KIAA1671: variants seen among roughly 807,000 people sequenced by gnomAD.
KIAA1671 encodes the protein uncharacterized protein KIAA1671.
In KIAA1671, 52 loss-of-function variants were observed where a neutral mutation model predicts 131.2. That is an observed-to-expected ratio of 0.40 (90% CI 0.32 to 0.50). The LOEUF is 0.50. Ranked by LOEUF, KIAA1671 falls within the 20% of genes least tolerant of loss-of-function variation. The pLI, the probability that KIAA1671 is intolerant of heterozygous loss-of-function variation, is 0.73. For missense variants in KIAA1671, 2,360 were observed against 2,364.2 expected (o/e 1.00, Z 0.04); for synonymous variants, 1,003 against 961.6 (o/e 1.04, Z -0.80).
chr22:25,004,951 GA>G (rs898770443), intron 1 of KIAA1671, among the ~76,000 whole-genome samples: 14 of 141,506 alleles, frequency 9.9e-5, no homozygotes, highest in East Asian at 6.2e-4. Context: ...GTCTCAAAAA[GA>G]AAAAAAAAAG....
intron 6 of KIAA1671, among the ~76,000 whole-genome samples, chr22:25,095,830 C>T (rs780174588): frequency 9.2e-5 from 14 of 152,162 alleles, no homozygotes; most frequent in South Asian, 2.1e-4. Flanking sequence ...ATGACCTCAC[C>T]GTTCTGGTTA....
rs566321812 is a variant in KIAA1671, at chr22:25,197,113, A to C, written c.*4712A>C. The C allele has an allele frequency of 6.6e-6, 1 of 152,334 alleles. No individual in the cohort carries two copies. Among genetic ancestry groups the C allele is most frequent in the Non-Finnish European group, 1.5e-5 (1 of 68,034 alleles). The allele number at this position is 152,334 out of a possible 1,614,324, so 9.4% of individuals were successfully genotyped here. On this transcript the variant is annotated 3_prime_UTR_variant, in exon 13 of 13. Transcript: ENST00000358431. ...CCTGCGGTGTTCTTGCAATTGCCTTAGGAATTCACAAGCTCTAGGAGTTCT... is the reference window on the plus strand; with the variant it reads ...CCTGCGGTGTTCTTGCAATTGCCTTCGGAATTCACAAGCTCTAGGAGTTCT...
intron 1 of KIAA1671, among the ~76,000 whole-genome samples, chr22:24,965,875 T>C (rs1973922178): frequency 6.6e-6 from 1 of 151,996 alleles, no homozygotes; most frequent in Admixed American, 6.6e-5. Flanking sequence ...ATAGCAACAA[T>C]GGCAGTAATA....
At chr22:25,048,300 A>G (rs1927356004) in intron 5 of KIAA1671, among the ~76,000 whole-genome samples, 1 of 152,202 alleles carries the variant, frequency 6.6e-6, no homozygotes, top group Admixed American at 6.5e-5. Flanking sequence ...CTGGGTGTAG[A>G]TGGGATTTAT....
In KIAA1671 at chr22:25,093,792, C is replaced by CTG. The variant is rs1568951316; in HGVS notation, c.4530+44429_4530+44430insGT. On this transcript the variant is annotated intron_variant, in intron 6 of 12. Coordinates refer to ENST00000358431, the MANE Select transcript of KIAA1671 (RefSeq NM_001145206.2). The stretch of plus-strand genomic sequence containing the variant: ...TGTCTCTCTCTCTCTCTCTCTCTCT[C>CTG]TCTCTCTCTCTCTCTCTCTGTCTCT... Among the ~76,000 whole-genome samples the CTG allele has an allele frequency of 9.3e-3, 943 of 101,122 alleles. 49 individuals are homozygous for CTG. Among genetic ancestry groups the CTG allele is most frequent in the South Asian group, 0.021 (60 of 2,834 alleles). The allele number at this position is 101,122 out of a possible 152,430, so 66.3% of individuals were successfully genotyped here.
chr22:25,098,165 G>C (rs561443301), intron 6 of KIAA1671, among the ~76,000 whole-genome samples: 1 of 152,212 alleles, frequency 6.6e-6, no homozygotes, highest in Non-Finnish European at 1.5e-5. Context: ...CACAGAGAAG[G>C]CACTTTACTT....
chr22:25,191,145 CTTTT>C (rs142339652), intron 12 of KIAA1671, among the ~76,000 whole-genome samples: 12 of 129,066 alleles, frequency 9.3e-5, no homozygotes, highest in Admixed American at 7.9e-5. Flanking sequence ...GAAATGGTTA[CTTTT>C]TTTTTTTTTT....
At chr22:25,154,327 C>G (rs940095272) in intron 6 of KIAA1671, among the ~76,000 whole-genome samples, 6 of 152,232 alleles carry the variant, frequency 3.9e-5, no homozygotes, top group Non-Finnish European at 8.8e-5. Context: ...TTGCTCTGAT[C>G]AACTTAGGAC....
intron 6 of KIAA1671, among the ~76,000 whole-genome samples, chr22:25,125,278 G>A (rs1932126431): frequency 6.6e-6 from 1 of 152,206 alleles, no homozygotes; most frequent in Admixed American, 6.5e-5. Flanking sequence ...CATATTTTAA[G>A]CATTGACCAT....
Position 25,108,842 on chromosome 22 carries a change from G to A in KIAA1671, c.4530+59478G>A, listed in dbSNP as rs539535289. 3.9e-5 allele frequency among the ~76,000 whole-genome samples: 6 copies of A among 152,242 alleles called. 1 individual carries two copies. The South Asian group carries it at 8.3e-4, about 21-fold the overall frequency. On this transcript the variant is annotated intron_variant, in intron 6 of 12. Coordinates refer to ENST00000358431, the MANE Select transcript of KIAA1671 (RefSeq NM_001145206.2). Reference sequence around the variant, plus strand: ...ACTGTGACTTGGAATTTCTTATGACGTTGTACTCAAGATACTGGCCAGGTC... The same window carrying A: ...ACTGTGACTTGGAATTTCTTATGACATTGTACTCAAGATACTGGCCAGGTC...
chr22:24,975,985 C>T (rs535131746), intron 1 of KIAA1671, among the ~76,000 whole-genome samples: 46 of 152,352 alleles, frequency 3.0e-4, no homozygotes, highest in African/African-American at 8.7e-4. Context: ...GTGGGCTTCC[C>T]GTGTGGCTAC....
At chr22:25,155,247 A>G (rs1411569822) in intron 6 of KIAA1671, among the ~76,000 whole-genome samples, 1 of 152,162 alleles carries the variant, frequency 6.6e-6, no homozygotes, top group African/African-American at 2.4e-5. Flanking sequence ...ATTCCCTTGC[A>G]CTGATAAGCT....
At chr22:25,090,173 C>G (rs1381409371) in intron 6 of KIAA1671, among the ~76,000 whole-genome samples, 2 of 152,228 alleles carry the variant, frequency 1.3e-5, no homozygotes, top group Non-Finnish European at 2.9e-5. Context: ...TTCTTGCTGT[C>G]AGGCCTCAGG....
At chr22:25,137,271 T>TA (rs1487204258) in intron 6 of KIAA1671, among the ~76,000 whole-genome samples, 1 of 152,222 alleles carries the variant, frequency 6.6e-6, no homozygotes, top group Non-Finnish European at 1.5e-5. Context: ...ACGAAATTGT[T>TA]ACTTTTTTTT....
chr22:25,174,160 C>T (rs1933942960), intron 7 of KIAA1671, 80 bp from the exon 8 acceptor site: 1 of 1,445,834 alleles, frequency 6.9e-7, no homozygotes, highest in Non-Finnish European at 9.4e-7. Context: ...GCTATGCTGC[C>T]TGCAGCATCC....
chr22:25,099,537 GTTTTTTT>G (rs1930552289), intron 6 of KIAA1671, among the ~76,000 whole-genome samples: 7 of 112,102 alleles, frequency 6.2e-5, no homozygotes, highest in Non-Finnish European at 1.0e-4. Context: ...CAAAATGTGG[GTTTTTTT>G]GTTTTTTTTT....
chr22:25,029,064 G>T lies in KIAA1671; in HGVS notation c.1065G>T (p.Lys355Asn). 6.7e-7 allele frequency: 1 copy of T among 1,502,842 alleles called. No individual in the cohort carries two copies. The allele number at this position is 1,502,842 out of a possible 1,614,324, so 93.1% of individuals were successfully genotyped here. A position where few individuals can be genotyped will look rare whatever the true frequency, so the allele number is the denominator to read the frequency against. The stretch of plus-strand genomic sequence containing the variant: ...TGGCCAAGAAAATCCGTGAACGGAA[G>T]GAGAAGATGCTTTCGAAGCCGGAGA... ...LEVAKKIRER[K>N]EKMLSKPEMG... Residue 355 changes from lysine to asparagine, a missense_variant, in exon 3 of 13, where the codon AAG becomes AAT. Physicochemically the swap from Lys to Asn is moderately conservative, Grantham distance 94. This residue lies in a region of KIAA1671 where 1,185 missense variants were observed against 1,126.2 expected (regional missense o/e 1.05). Coordinates refer to ENST00000358431, the MANE Select transcript of KIAA1671 (RefSeq NM_001145206.2).
chr22:25,076,859 C>T (rs1241994292), intron 6 of KIAA1671, among the ~76,000 whole-genome samples: 1 of 152,210 alleles, frequency 6.6e-6, no homozygotes, highest in Non-Finnish European at 1.5e-5. Context: ...AGAGGGGTCT[C>T]ATTATATCCT....
intron 6 of KIAA1671, among the ~76,000 whole-genome samples, chr22:25,128,641 A>G (rs560578134): frequency 2.0e-5 from 3 of 151,592 alleles, no homozygotes; most frequent in East Asian, 3.9e-4. Flanking sequence ...CCTAATTGGT[A>G]CCCTCCAGGC....
Sources: allele counts gnomAD v4.1 joint callset (sites outside exome capture counted in the v4.1 genomes callset), GRCh38; gene constraint gnomAD v4.1.1; regional missense constraint gnomAD v4.1.1; transcripts MANE v1.5; gene names NCBI Gene and HGNC (gene_info 2026-07-23, HGNC 2026-07-21).